The following ZNF407 variants were observed in gnomAD, a reference collection of about 807,000 sequenced individuals.
ZNF407 encodes zinc finger protein 407.
Under a neutral mutation model 131.2 loss-of-function variants are expected in ZNF407, and 17 were observed. The observed-to-expected ratio is 0.13, with a 90% confidence interval of 0.09 to 0.19. ZNF407 has a LOEUF of 0.19. ZNF407 is among the 10% of genes least tolerant of loss of function. ZNF407 has a pLI of 1.00. For synonymous variants in ZNF407, 1,156 were observed against 1,062.0 expected, an observed-to-expected ratio of 1.09 and a Z score of -1.72; for missense variants, 2,681 against 2,830.6, an observed-to-expected ratio of 0.95 and a Z score of 1.20.
chr18:75,001,219 A>G (rs554252746), intron 8 of ZNF407, among the ~76,000 whole-genome samples: 20 of 152,320 alleles, frequency 1.3e-4, no homozygotes, highest in African/African-American at 4.3e-4. Context: ...GCCGACTGTA[A>G]CAATAGGAGT....
At chr18:74,873,462 G>A (rs764572076) in intron 4 of ZNF407, among the ~76,000 whole-genome samples, 1 of 152,070 alleles carries the variant, frequency 6.6e-6, no homozygotes, top group Non-Finnish European at 1.5e-5. Context: ...ATTTAGTAGG[G>A]TGCTAATGAA....
intron 3 of ZNF407, among the ~76,000 whole-genome samples, chr18:74,780,982 C>A (rs1008260859): frequency 6.6e-6 from 1 of 151,988 alleles, no homozygotes; most frequent in African/African-American, 2.4e-5. Context: ...AAGTTATTAC[C>A]ATGTTTTTAA....
At chr18:74,708,141 A>G (rs1286658813) in intron 3 of ZNF407, among the ~76,000 whole-genome samples, 1 of 152,166 alleles carries the variant, frequency 6.6e-6, no homozygotes, top group African/African-American at 2.4e-5. Context: ...AAAAATCCCA[A>G]ACTGGGTACT....
At chr18:74,906,462 G>C (rs1971596296) in intron 7 of ZNF407, among the ~76,000 whole-genome samples, 1 of 152,158 alleles carries the variant, frequency 6.6e-6, no homozygotes, top group Non-Finnish European at 1.5e-5. Flanking sequence ...TGGCAATGCT[G>C]TACAATCTGG....
At chr18:74,693,819 C>T (rs1967286864) in intron 3 of ZNF407, among the ~76,000 whole-genome samples, 1 of 152,060 alleles carries the variant, frequency 6.6e-6, no homozygotes, top group South Asian at 2.1e-4. Flanking sequence ...CTGTTTACTA[C>T]CCTATTTACC....
rs569385825 is a variant in ZNF407, at chr18:74,677,539, T to C, written c.4802+36417T>C. 2.9e-4 allele frequency among the ~76,000 whole-genome samples: 44 copies of C among 152,280 alleles called. 2 individuals carry two copies. In the South Asian group the frequency reaches 7.9e-3, roughly 27 times the overall value. On this transcript the variant is annotated intron_variant, in intron 3 of 8. Coordinates refer to ENST00000299687, the MANE Select transcript of ZNF407 (RefSeq NM_017757.3). Reference sequence around the variant, plus strand: ...TGTCTGATAGTATTTTCTTTTTTTTTCCCCTCAACTTCCTTTTGAATGATA... The same window carrying C: ...TGTCTGATAGTATTTTCTTTTTTTTCCCCCTCAACTTCCTTTTGAATGATA...
At chr18:74,977,597 G>A (rs1337174198) in intron 8 of ZNF407, among the ~76,000 whole-genome samples, 4 of 152,224 alleles carry the variant, frequency 2.6e-5, no homozygotes, top group African/African-American at 4.8e-5. Context: ...ATAAGCCTGT[G>A]ACTGAGTGGA....
intron 4 of ZNF407, among the ~76,000 whole-genome samples, chr18:74,875,745 A>T (rs1390529554): frequency 6.6e-6 from 1 of 152,220 alleles, no homozygotes; most frequent in Non-Finnish European, 1.5e-5. Context: ...TAGTAATTTC[A>T]AAGTTAGTCC....
chr18:74,989,870 A>T (rs1972698327), intron 8 of ZNF407, among the ~76,000 whole-genome samples: 1 of 152,156 alleles, frequency 6.6e-6, no homozygotes, highest in African/African-American at 2.4e-5. Context: ...TCTATTTCCT[A>T]ATCATAAAAA....
intron 3 of ZNF407, among the ~76,000 whole-genome samples, chr18:74,666,406 G>C (rs1985932162): frequency 6.6e-6 from 1 of 152,124 alleles, no homozygotes; most frequent in Non-Finnish European, 1.5e-5. Flanking sequence ...AGCCACGTGG[G>C]ACTTGTGGTG....
chr18:74,713,703 C>G (rs542043174), intron 3 of ZNF407, among the ~76,000 whole-genome samples: 1 of 152,112 alleles, frequency 6.6e-6, no homozygotes, highest in East Asian at 1.9e-4. Context: ...TTTTGTAATA[C>G]GTGTACAAAC....
chr18:74,704,639 G>A (rs1213512807), intron 3 of ZNF407, among the ~76,000 whole-genome samples: 1 of 152,210 alleles, frequency 6.6e-6, no homozygotes, highest in Non-Finnish European at 1.5e-5. Flanking sequence ...TGTCGGCATG[G>A]AAATCATTTA....
intron 4 of ZNF407, among the ~76,000 whole-genome samples, chr18:74,796,084 A>G (rs1476303571): frequency 1.3e-5 from 2 of 152,220 alleles, no homozygotes; most frequent in Non-Finnish European, 2.9e-5. Flanking sequence ...CTGTGTGCAG[A>G]TGGTATTTAG....
At position 75,063,757 on chromosome 18, in the gene ZNF407, C is replaced by T; in HGVS notation, c.6036C>T (p.Gly2012=). 1 of 1,611,612 alleles carries T rather than the reference C, an allele frequency of 6.2e-7. No individual in the cohort carries two copies. ...VEGRAGLEEQ[G]RPGAKDVLIQ... ...GCAGGGCTGGGCTCGAGGAGCAAGG[C>T]AGGCCCGGCGCCAAAGACGTGCTGA... The change falls in exon 9 of 9, where the codon GGC becomes GGT. Residue 2012 remains glycine (G), a synonymous_variant. Transcript: ENST00000299687. The surrounding 1 kb of genome is among the most constrained non-coding windows in gnomAD (Gnocchi z 6.6).
At chr18:74,712,085 G>A (rs532751165) in intron 3 of ZNF407, among the ~76,000 whole-genome samples, 12 of 152,232 alleles carry the variant, frequency 7.9e-5, no homozygotes, top group Admixed American at 4.6e-4. Flanking sequence ...TGGCCCTGGC[G>A]TGTGTCATAT....
chr18:74,743,365 G>C (rs1968594372), intron 3 of ZNF407, among the ~76,000 whole-genome samples: 1 of 150,734 alleles, frequency 6.6e-6, no homozygotes, highest in South Asian at 2.1e-4. Context: ...TGTCAGATCT[G>C]TGTGTGTGTG....
intron 3 of ZNF407, among the ~76,000 whole-genome samples, chr18:74,736,340 A>G (rs924379103): frequency 6.6e-6 from 1 of 152,192 alleles, no homozygotes; most frequent in African/African-American, 2.4e-5. Flanking sequence ...AGGGCTTTCT[A>G]CATTAGATCT....
chr18:74,632,387 T>C lies in ZNF407; in HGVS notation c.1368T>C (p.Thr456=). 6.2e-7 allele frequency: 1 copy of C among 1,613,998 alleles called. No homozygotes were observed. The highest frequency in any genetic ancestry group is 8.5e-7 in the Non-Finnish European group (1 of 1,179,904). Reference sequence around the variant, plus strand: ...GAATTAAAAGAGGTACAAGTGAAACTCAGAGGATGTATATGAAACACTTGA... The same window carrying C: ...GAATTAAAAGAGGTACAAGTGAAACCCAGAGGATGTATATGAAACACTTGA... The part of the protein sequence containing the change: ...LLGIKRGTSE[T]QRMYMKHLRT... The change falls in exon 2 of 9, where the codon ACT becomes ACC. Residue 456 remains threonine (T), a synonymous_variant. Transcript: ENST00000299687.
chr18:74,887,584 TC>T (rs1245033461), intron 6 of ZNF407, among the ~76,000 whole-genome samples: 1 of 152,190 alleles, frequency 6.6e-6, no homozygotes, highest in Non-Finnish European at 1.5e-5. Flanking sequence ...TTCATCTTTT[TC>T]CTGGTTATGA....
Sources: gnomAD v4.1 joint callset for allele counts (sites outside exome capture counted in the v4.1 genomes callset) on GRCh38, gnomAD v4.1.1 for gene constraint, Gnocchi (gnomAD v3.1) non-coding constraint, MANE v1.5 for transcripts, NCBI Gene and HGNC (gene_info 2026-07-23, HGNC 2026-07-21) for gene names.